TMED6: variants seen among roughly 807,000 people sequenced by gnomAD.
The protein encoded by TMED6 is transmembrane emp24 domain-containing protein 6.
A neutral mutation model predicts 26.5 loss-of-function variants in TMED6; 17 were observed. The ratio of observed to expected loss-of-function variants is 0.64; its 90% CI spans 0.44 to 0.96. The LOEUF is 0.96. TMED6 is among the 40% of genes least tolerant of loss of function. TMED6 has a pLI of 0.00. For synonymous variants in TMED6, 107 were observed against 106.2 expected (o/e 1.01, Z -0.04); for missense variants, 309 against 296.5 (o/e 1.04, Z -0.31).
rs2012780575 is a variant in TMED6, at chr16:69,351,728, C to A, written c.26G>T (p.Gly9Val). 1.2e-6 allele frequency: 2 copies of A among 1,613,212 alleles called. No individual in the cohort carries two copies. The highest frequency in any genetic ancestry group is 1.7e-6 in the Non-Finnish European group (2 of 1,179,990). ...CGTCACTAGATTCAGAACGACCAGCCCAGCCCCAAAGAGCAAAGGGGACAT... is the reference window on the plus strand; with the variant it reads ...CGTCACTAGATTCAGAACGACCAGCACAGCCCCAAAGAGCAAAGGGGACAT... MSPLLFGA[G>V]LVVLNLVTSA... The change falls in exon 1 of 4, where the codon GGG becomes GTG. Residue 9 changes from glycine (G) to valine (V), a missense_variant. Transcript: ENST00000288025.
At position 69,349,563 on chromosome 16, in the gene TMED6, C is replaced by T; in HGVS notation, c.302G>A (p.Gly101Asp). The T allele has an allele frequency of 1.9e-6, 3 of 1,613,958 alleles. No individual in the cohort carries two copies. Among genetic ancestry groups the T allele is most frequent in the Non-Finnish European group, 2.5e-6 (3 of 1,179,978 alleles). Residue 101 changes from glycine (G) to aspartate (D), a missense_variant, in exon 2 of 4, where the codon GGT becomes GAT. Physicochemically the swap from Gly to Asp is moderately conservative, Grantham distance 94. Coordinates refer to ENST00000288025, the MANE Select transcript of TMED6 (RefSeq NM_144676.4). ...AGAGAAGTTAATCTGGCCCCGAACACCCTGGGAGGTGTCTATGAGAAATCC... is the reference window on the plus strand; with the variant it reads ...AGAGAAGTTAATCTGGCCCCGAACATCCTGGGAGGTGTCTATGAGAAATCC... ...PQGFLIDTSQ[G>D]VRGQINFSTQ...
chr16:69,343,601 A>T lies in TMED6; in HGVS notation c.529T>A (p.Trp177Arg). Residue 177 changes from tryptophan to arginine, a missense_variant, in exon 4 of 4, where the codon TGG becomes AGG. Transcript: ENST00000288025. ...QKVQNNIFHM[W>R]RYYNFARMRK... ...ATCCGGGCAAAGTTGTAGTATCGCC[A>T]CATGTGAAAGATATTGTTCTGCACC... The T allele has an allele frequency of 6.2e-7, 1 of 1,614,218 alleles. No homozygotes were observed.
At chr16:69,343,795 A>G (rs1027057954) in intron 3 of TMED6, among the ~76,000 whole-genome samples, 155 bp from the exon 4 acceptor site, 4 of 152,178 alleles carry the variant, frequency 2.6e-5, no homozygotes, top group African/African-American at 7.2e-5. Context: ...TGTGTTTGCT[A>G]TGTATGAAAT....
intron 3 of TMED6, among the ~76,000 whole-genome samples, chr16:69,346,694 T>C (rs1453291535): frequency 6.6e-6 from 1 of 152,092 alleles, no homozygotes; most frequent in Non-Finnish European, 1.5e-5. Context: ...GAGGCAGAGG[T>C]TGCAGTGAGC....
At chr16:69,345,803 G>C (rs957341559) in intron 3 of TMED6, among the ~76,000 whole-genome samples, 1 of 151,186 alleles carries the variant, frequency 6.6e-6, no homozygotes, top group African/African-American at 2.4e-5. Flanking sequence ...AGCCTCCCGA[G>C]TGGCTGGGAC....
chr16:69,350,176 G>A (rs1375512210), intron 1 of TMED6, among the ~76,000 whole-genome samples: 1 of 150,852 alleles, frequency 6.6e-6, no homozygotes, highest in East Asian at 2.0e-4. Flanking sequence ...GGAGGCTGAG[G>A]CAGGAGAATT....
rs941560265 is a variant in TMED6 at position 69,351,661 on chromosome 16, C to G, written c.93G>C (p.Gly31=). 1 of 1,613,912 alleles carries G rather than the reference C, an allele frequency of 6.2e-7. No homozygotes were observed. The highest frequency in any genetic ancestry group is 8.5e-7 in the Non-Finnish European group (1 of 1,180,002). The stretch of plus-strand genomic sequence containing the variant: ...CAGCTCCACGGAAGAGTGGCTGGTC[C>G]CCAGAGCCACTTAGAGGTTCTGTCT... ...SQKTEPLSGS[G]DQPLFRGADR... is the part of the protein sequence containing the mutation. Residue 31 remains glycine (G), a synonymous_variant, in exon 1 of 4, where the codon GGG becomes GGC. Coordinates refer to ENST00000288025, the MANE Select transcript of TMED6 (RefSeq NM_144676.4).
chr16:69,344,406 GCT>G (rs1297935021), intron 3 of TMED6, among the ~76,000 whole-genome samples: 1 of 152,140 alleles, frequency 6.6e-6, no homozygotes, highest in East Asian at 1.9e-4. Context: ...AATGAGCATG[GCT>G]GTGTTTCAAG....
Position 69,347,942 on chromosome 16 carries a change from G to C in TMED6, c.341-6C>G. On this transcript the variant is annotated splice_region_variant and splice_polypyrimidine_tract_variant and intron_variant, in intron 2 of 3. Coordinates refer to ENST00000288025, the MANE Select transcript of TMED6 (RefSeq NM_144676.4). ...TAGACAAAGCTGATAAAAACCTGTA[G>C]GAATTCTTAGATCATTACCAAGTCT... 1 of 1,613,782 alleles carries C rather than the reference G, an allele frequency of 6.2e-7. No homozygotes were observed.
At position 69,347,799 on chromosome 16, in the gene TMED6, C is replaced by T. The variant is rs1235659383; in HGVS notation, c.478G>A (p.Asp160Asn). Reference protein sequence around the residue: ...KERKQLNDTLDAIEDGTQKVQ... With the variant: ...KERKQLNDTLNAIEDGTQKVQ... ...AAACACTTCCTTACCTCAATTGCAT[C>T]CAGAGTATCATTCAGTTGTTTTCTT... Residue 160 changes from aspartate (D) to asparagine (N), a missense_variant, in exon 3 of 4, where the codon GAT (aspartate) becomes AAT (asparagine). Transcript: ENST00000288025. 1.9e-6 allele frequency: 3 copies of T among 1,614,144 alleles called. No individual in the cohort carries two copies. Among genetic ancestry groups the T allele is most frequent in the South Asian group, 1.1e-5 (1 of 91,076 alleles).
rs780125723 is a variant in TMED6, at chr16:69,349,607, G to A, written c.258C>T (p.Ala86=). 6.2e-7 allele frequency: 1 copy of A among 1,613,832 alleles called. No individual in the cohort carries two copies. The highest frequency in any genetic ancestry group is 1.3e-5 in the African/African-American group (1 of 74,898). Reference sequence around the variant, plus strand: ...GAAATCCCTGTGGGTTATGTGCCGTGGCAGCAACATGCCGGTCATGTGACA... The same window carrying A: ...GAAATCCCTGTGGGTTATGTGCCGTAGCAGCAACATGCCGGTCATGTGACA... ...VGMSHDRHVA[A]TAHNPQGFLI... is the part of the protein sequence containing the mutation. Residue 86 remains alanine, a synonymous_variant, in exon 2 of 4, where the codon GCC becomes GCT. Coordinates refer to ENST00000288025, the MANE Select transcript of TMED6 (RefSeq NM_144676.4).
chr16:69,350,818 T>G (rs2012763788), intron 1 of TMED6, among the ~76,000 whole-genome samples: 1 of 152,168 alleles, frequency 6.6e-6, no homozygotes, highest in Admixed American at 6.6e-5. Context: ...ATAAGTTTAT[T>G]TAAAATAAAT....
At chr16:69,348,521 G>A in intron 2 of TMED6, 1 of 152,572 alleles carries the variant, frequency 6.6e-6, no homozygotes, top group Non-Finnish European at 1.5e-5. Context: ...GAGAGGACCG[G>A]TAGAAGATGG....
chr16:69,351,561 A>G lies in TMED6; in HGVS notation c.193T>C (p.Tyr65His). 2 of 1,614,108 alleles carry G rather than the reference A, an allele frequency of 1.2e-6. No homozygotes were observed. Among genetic ancestry groups the G allele is most frequent in the African/African-American group, 2.7e-5 (2 of 75,020 alleles). The change falls in exon 1 of 4, where the codon TAC (tyrosine) becomes CAC (histidine). Residue 65 changes from tyrosine to histidine, a missense_variant. By Grantham distance (83) the Tyr-to-His change is moderately conservative. Transcript: ENST00000288025. ...CFWQFAHQTGYFYFSYEVQRT... is the reference protein window; with the variant it reads ...CFWQFAHQTGHFYFSYEVQRT... ...CATACCTCGTAACTGAAATAGAAGT[A>G]TCCAGTCTGGTGGGCAAATTGCCAA...
intron 2 of TMED6, among the ~76,000 whole-genome samples, chr16:69,349,037 T>C (rs1375462809): frequency 1.3e-5 from 2 of 152,242 alleles, no homozygotes; most frequent in Non-Finnish European, 2.9e-5. Context: ...GTTAAGACAC[T>C]GCTGCTCTCC....
intron 3 of TMED6, among the ~76,000 whole-genome samples, chr16:69,346,519 T>C (rs1480668365): frequency 6.6e-6 from 1 of 152,154 alleles, no homozygotes; most frequent in Non-Finnish European, 1.5e-5. Context: ...ATCCCAGCAC[T>C]TTGGGAGGCC....
At chr16:69,346,466 T>A (rs916024019) in intron 3 of TMED6, among the ~76,000 whole-genome samples, 1 of 152,138 alleles carries the variant, frequency 6.6e-6, no homozygotes, top group Non-Finnish European at 1.5e-5. Flanking sequence ...CATGCTAAAT[T>A]AAAGAAGCCA....
chr16:69,347,642 G>A (rs1226922852), intron 3 of TMED6, 146 bp downstream of exon 3: 5 of 1,198,880 alleles, frequency 4.2e-6, no homozygotes, highest in Non-Finnish European at 5.9e-6. Flanking sequence ...TTACAGGCGT[G>A]AGCCACCGTG....
chr16:69,344,717 G>A (rs767657386), intron 3 of TMED6, among the ~76,000 whole-genome samples: 20 of 150,868 alleles, frequency 1.3e-4, no homozygotes, highest in South Asian at 8.4e-4. Flanking sequence ...AGGTTGCAGG[G>A]AGCTGAGATC....
Sources: allele counts gnomAD v4.1 joint callset (sites outside exome capture counted in the v4.1 genomes callset), GRCh38; gene constraint gnomAD v4.1.1; transcripts MANE v1.5; gene names NCBI Gene and HGNC (gene_info 2026-07-23, HGNC 2026-07-21).